The following PIP5K1B variants were observed in gnomAD, a reference collection of about 807,000 sequenced individuals.
The protein encoded by PIP5K1B is phosphatidylinositol-4-phosphate 5-kinase type 1 beta, also known as phosphatidylinositol 4-phosphate 5-kinase type-1 beta.
In PIP5K1B, 42 loss-of-function variants were observed where a neutral mutation model predicts 67.0. The ratio of observed to expected loss-of-function variants is 0.63; its 90% confidence interval spans 0.49 to 0.81. The LOEUF (loss-of-function observed/expected upper bound fraction) is 0.81, where lower values mean the gene tolerates loss of function less well. Among genes scored for constraint, PIP5K1B ranks in the 30% least tolerant of loss-of-function variants. PIP5K1B has a pLI of 0.00. For synonymous variants in PIP5K1B, 214 were observed against 231.4 expected, an observed-to-expected ratio of 0.92 and a Z score of 0.68; for missense variants, 459 against 646.3, an observed-to-expected ratio of 0.71 and a Z score of 3.14.
At chr9:68,803,303 T>C (rs112249302) in intron 2 of PIP5K1B, among the ~76,000 whole-genome samples, 62 of 152,216 alleles carry the variant, frequency 4.1e-4, no homozygotes, top group African/African-American at 1.4e-3. Context: ...CTCAAGAAAG[T>C]CTGGGCTCAA....
intron 14 of PIP5K1B, among the ~76,000 whole-genome samples, chr9:68,963,486 GAGCAA>G (rs1828857774): frequency 6.9e-6 from 1 of 144,654 alleles, no homozygotes; most frequent in South Asian, 2.3e-4. Flanking sequence ...CTGGGTGACA[GAGCAA>G]GACTCTGTCT....
rs1587549069 is a variant in PIP5K1B at position 68,847,681 on chromosome 9, T to A, written c.70-16156T>A. On this transcript the variant is annotated intron_variant, in intron 4 of 15. Coordinates refer to ENST00000265382, the MANE Select transcript of PIP5K1B (RefSeq NM_003558.4). ...TTTTCAATTAGTGCCCATGTGTCTGTGCACCTGACATGGCAGAGGGCTGTG... is the reference window on the plus strand; with the variant it reads ...TTTTCAATTAGTGCCCATGTGTCTGAGCACCTGACATGGCAGAGGGCTGTG... Among the ~76,000 whole-genome samples, 3 of 152,076 alleles carry A rather than the reference T, an allele frequency of 2.0e-5. No homozygotes were observed. In the South Asian group the frequency reaches 6.2e-4, roughly 32 times the overall value.
intron 1 of PIP5K1B, among the ~76,000 whole-genome samples, chr9:68,727,193 A>G (rs1828194753): frequency 6.6e-6 from 1 of 152,202 alleles, no homozygotes. Context: ...ATATGGGTCA[A>G]GACCTAGAGA....
At position 68,856,574 on chromosome 9, in the gene PIP5K1B, T is replaced by G. The variant is rs552815994; in HGVS notation, c.70-7263T>G. Among the ~76,000 whole-genome samples the G allele has an allele frequency of 5.3e-5, 8 of 152,340 alleles. No individual in the cohort carries two copies. The South Asian group carries it at 1.5e-3, about 28-fold the overall frequency. ...CTTTCTGTCACTGACTTCATTTGTC[T>G]TTATGCATGTGTATCTTTGTCTGTT... On this transcript the variant is annotated intron_variant, in intron 4 of 15. Transcript: ENST00000265382.
chr9:68,845,272 G>A (rs890579172), intron 4 of PIP5K1B, among the ~76,000 whole-genome samples: 2 of 151,942 alleles, frequency 1.3e-5, no homozygotes, highest in Non-Finnish European at 2.9e-5. Flanking sequence ...ATATGGTGGG[G>A]CTTATGAAAT....
chr9:68,941,107 CTT>C (rs1827540531), intron 14 of PIP5K1B: 1 of 485,436 alleles, frequency 2.1e-6, no homozygotes, highest in Non-Finnish European at 4.1e-6. Context: ...AGTGAGCACT[CTT>C]AGTTAATATT....
chr9:68,843,136 T>C (rs1822002769), intron 4 of PIP5K1B: 1 of 152,238 alleles, frequency 6.6e-6, no homozygotes. Flanking sequence ...TAAAGGTGAT[T>C]GTGAATACAA....
intron 4 of PIP5K1B, among the ~76,000 whole-genome samples, chr9:68,863,481 T>G (rs1823207862): frequency 6.6e-6 from 1 of 152,196 alleles, no homozygotes; most frequent in Admixed American, 6.5e-5. Flanking sequence ...TACATCAGCT[T>G]AATTATTGGA....
chr9:68,920,172 C>T (rs1355005556), intron 11 of PIP5K1B, among the ~76,000 whole-genome samples: 1 of 152,086 alleles, frequency 6.6e-6, no homozygotes, highest in African/African-American at 2.4e-5. Context: ...GTTATTTGGC[C>T]TCTTACCCTT....
At chr9:68,706,462 T>TC (rs372611899) in intron 1 of PIP5K1B, among the ~76,000 whole-genome samples, 10 of 151,992 alleles carry the variant, frequency 6.6e-5, no homozygotes, top group South Asian at 2.1e-4. Context: ...TCATTTCTTA[T>TC]CCCCCCCAAC....
At position 68,793,004 on chromosome 9, in the gene PIP5K1B, AG is replaced by A. The variant is rs1400733998; in HGVS notation, c.-85-25454del. On this transcript the variant is annotated intron_variant, in intron 2 of 15. Transcript: ENST00000265382. ...ACCCACATTTTGCATACATTCTAAC[AG>A]GGTAGAAGGAGGGGCAGTAACAAAC... Among the ~76,000 whole-genome samples, 19 of 151,802 alleles carry A rather than the reference AG, an allele frequency of 1.3e-4. No homozygotes were observed. In the East Asian group the frequency reaches 3.5e-3, roughly 28 times the overall value.
intron 2 of PIP5K1B, among the ~76,000 whole-genome samples, chr9:68,756,645 C>T (rs1829940420): frequency 6.6e-6 from 1 of 152,124 alleles, no homozygotes; most frequent in Non-Finnish European, 1.5e-5. Context: ...TATGTTTTCT[C>T]TATCATTTCT....
At chr9:68,762,879 G>A (rs539217386) in intron 2 of PIP5K1B, among the ~76,000 whole-genome samples, 4 of 152,038 alleles carry the variant, frequency 2.6e-5, no homozygotes, top group Non-Finnish European at 4.4e-5. Flanking sequence ...ACAACTCCAC[G>A]TGTTAACATT....
chr9:68,819,988 C>A (rs10117744), intron 3 of PIP5K1B, among the ~76,000 whole-genome samples: 8,459 of 152,178 alleles, frequency 0.056, 464 homozygotes, highest in African/African-American at 0.14. Context: ...GGATGATTCA[C>A]AAAGTAATAA....
At chr9:68,982,754 C>T (rs1198360948) in intron 14 of PIP5K1B, among the ~76,000 whole-genome samples, 1 of 37,250 alleles carries the variant, frequency 2.7e-5, no homozygotes, top group Non-Finnish European at 5.7e-5. Flanking sequence ...AGCGAGACTC[C>T]ATCTCAAAAA....
intron 14 of PIP5K1B, among the ~76,000 whole-genome samples, chr9:68,942,527 G>A (rs183072267): frequency 6.0e-4 from 92 of 152,146 alleles, no homozygotes; most frequent in African/African-American, 2.0e-3. Context: ...AGACTCTTGG[G>A]TATTCATAAG....
At chr9:68,725,970 C>A in intron 1 of PIP5K1B, among the ~76,000 whole-genome samples, 1 of 152,066 alleles carries the variant, frequency 6.6e-6, no homozygotes, top group East Asian at 1.9e-4. Flanking sequence ...TTGGTGCTGC[C>A]CATTTAGATG....
intron 2 of PIP5K1B, among the ~76,000 whole-genome samples, chr9:68,777,812 G>A (rs1830995155): frequency 6.6e-6 from 1 of 152,098 alleles, no homozygotes; most frequent in Non-Finnish European, 1.5e-5. Context: ...AATATGCTGT[G>A]GGTATTATAA....
intron 5 of PIP5K1B, among the ~76,000 whole-genome samples, chr9:68,873,878 T>G (rs574543546): frequency 5.6e-4 from 86 of 152,304 alleles, no homozygotes; most frequent in African/African-American, 1.9e-3. Context: ...CCACACAGTG[T>G]ATCCAGTAGG....
Sources: allele counts gnomAD v4.1 joint callset (sites outside exome capture counted in the v4.1 genomes callset), GRCh38; gene constraint gnomAD v4.1.1; transcripts MANE v1.5; gene names NCBI Gene and HGNC (gene_info 2026-07-23, HGNC 2026-07-21).